PTK2B: variants seen among roughly 807,000 people sequenced by gnomAD.
The protein encoded by PTK2B is protein tyrosine kinase 2 beta, also known as protein-tyrosine kinase 2-beta.
A neutral mutation model predicts 142.9 loss-of-function variants in PTK2B; 71 were observed. The ratio of observed to expected loss-of-function variants is 0.50; its 90% CI spans 0.41 to 0.61. PTK2B has a LOEUF of 0.61. PTK2B is among the 20% of genes least tolerant of loss of function. The probability of loss-of-function intolerance (pLI) is 0.00; values close to 1 mark genes in which losing one functional copy is unlikely to be tolerated. For missense variants in PTK2B, 1,105 were observed against 1,320.4 expected, an observed-to-expected ratio of 0.84 and a Z score of 2.53; for synonymous variants, 519 against 503.4, an observed-to-expected ratio of 1.03 and a Z score of -0.42.
intron 1 of PTK2B, among the ~76,000 whole-genome samples, chr8:27,335,468 T>A (rs1161999977): frequency 6.6e-6 from 1 of 152,018 alleles, no homozygotes; most frequent in East Asian, 1.9e-4. Flanking sequence ...GGCGCAGGCC[T>A]GTAATCCCAG....
chr8:27,425,144 T>C (rs1586294190), intron 5 of PTK2B, among the ~76,000 whole-genome samples: 1 of 151,612 alleles, frequency 6.6e-6, no homozygotes, highest in Admixed American at 6.6e-5. Context: ...ATATAACATA[T>C]ATATGCTACT....
chr8:27,422,391 G>T lies in PTK2B; in HGVS notation c.551+8G>T. The stretch of plus-strand genomic sequence containing the variant: ...GGGCTGCCTGGAGCTCAGGTATGTG[G>T]CCCTGAGGCCTCTGCTGGGAGGGCG... On this transcript the variant is annotated splice_region_variant and intron_variant, in intron 5 of 30. Transcript: ENST00000346049. The T allele has an allele frequency of 6.2e-7, 1 of 1,605,904 alleles. No individual in the cohort carries two copies. The highest frequency in any genetic ancestry group is 1.1e-5 in the South Asian group (1 of 90,126).
intron 24 of PTK2B, among the ~76,000 whole-genome samples, chr8:27,447,949 G>A (rs1400582861): frequency 6.6e-6 from 1 of 152,240 alleles, no homozygotes; most frequent in African/African-American, 2.4e-5. Context: ...GTGCTGAAGG[G>A]GGGAGGCGCT....
chr8:27,357,947 C>T (rs897728431), intron 1 of PTK2B, among the ~76,000 whole-genome samples: 1 of 152,170 alleles, frequency 6.6e-6, no homozygotes, highest in African/African-American at 2.4e-5. Context: ...TCTGAAAAGT[C>T]ACTTAATATC....
chr8:27,451,933 C>T (rs1811845308), intron 27 of PTK2B: 1 of 278,518 alleles, frequency 3.6e-6, no homozygotes, highest in Non-Finnish European at 5.7e-6. Context: ...CAGCTGAGCC[C>T]TCAGGCTCTC....
At chr8:27,320,784 A>G (rs1223288780), upstream of PTK2B, among the ~76,000 whole-genome samples, 2 of 151,960 alleles carry the variant, frequency 1.3e-5, no homozygotes, top group African/African-American at 2.4e-5. Flanking sequence ...TTATGTAGGC[A>G]TGACTGATTA....
Position 27,339,244 on chromosome 8 carries a change from G to T in PTK2B, c.-38+13563G>T, listed in dbSNP as rs562449023. Among the ~76,000 whole-genome samples the T allele has an allele frequency of 2.6e-5, 4 of 152,302 alleles. No homozygotes were observed. The South Asian group carries it at 8.3e-4, about 32-fold the overall frequency. ...AGTGGGACCTTTAGGCTTGTGACAT[G>T]ATAACAAGGATTTTCTTGGGTGGGC... On this transcript the variant is annotated intron_variant, in intron 1 of 30. Coordinates refer to ENST00000346049, the MANE Select transcript of PTK2B (RefSeq NM_173176.3).
In PTK2B at chr8:27,432,380, T is replaced by G; in HGVS notation, c.987+19T>G. ...CCCCCAGGTGAGTGTCTCTGGGCAC[T>G]GGGCACCTGGCAGCTCTGCAGGGGG... On this transcript the variant is annotated intron_variant, in intron 10 of 30. Coordinates refer to ENST00000346049, the MANE Select transcript of PTK2B (RefSeq NM_173176.3). 6.2e-7 allele frequency: 1 copy of G among 1,609,016 alleles called. No individual in the cohort carries two copies. Among genetic ancestry groups the G allele is most frequent in the Non-Finnish European group, 8.5e-7 (1 of 1,176,510 alleles).
intron 1 of PTK2B, among the ~76,000 whole-genome samples, chr8:27,386,002 A>G (rs1807330175): frequency 6.6e-6 from 1 of 152,158 alleles, no homozygotes; most frequent in Non-Finnish European, 1.5e-5. Context: ...TTTCTAAAAT[A>G]TATTTAACCA....
intron 1 of PTK2B, among the ~76,000 whole-genome samples, chr8:27,386,294 C>T (rs189933108): frequency 5.9e-5 from 9 of 152,290 alleles, no homozygotes; most frequent in South Asian, 2.1e-4. Flanking sequence ...TCACACCCCT[C>T]GCCTTGGATA....
intron 24 of PTK2B, among the ~76,000 whole-genome samples, 173 bp from the exon 25 acceptor site, chr8:27,450,576 C>T (rs1278973114): frequency 6.6e-6 from 1 of 152,138 alleles, no homozygotes; most frequent in Admixed American, 6.5e-5. Context: ...GGGGCTGATA[C>T]TGGATAGCTG....
Position 27,430,136 on chromosome 8 carries a change from T to G in PTK2B, c.595T>G (p.Ser199Ala). 6.2e-7 allele frequency: 1 copy of G among 1,613,798 alleles called. No homozygotes were observed. Among genetic ancestry groups the G allele is most frequent in the Middle Eastern group, 1.6e-4 (1 of 6,062 alleles). Residue 199 changes from serine (S) to alanine (A), a missense_variant, in exon 6 of 31, where the codon TCC becomes GCC. Physicochemically the swap from Ser to Ala is moderately conservative, Grantham distance 99 (BLOSUM62 1). Transcript: ENST00000346049. ...GCCCCACAATGCACTTGACAAGAAG[T>G]CCAACTTCGAGCTCCTAGAGTAAGT... The part of the protein sequence containing the change: ...DMPHNALDKK[S>A]NFELLEKEVG...
Position 27,458,358 on chromosome 8 carries a change from C to T in PTK2B, c.2879C>T (p.Ala960Val), listed in dbSNP as rs751638166. 3.7e-6 allele frequency: 6 copies of T among 1,612,244 alleles called. No homozygotes were observed. Among genetic ancestry groups the T allele is most frequent in the Admixed American group, 1.7e-5 (1 of 59,904 alleles). The change falls in exon 31 of 31, where the codon GCA becomes GTA. Residue 960 changes from alanine (A) to valine (V), a missense_variant. Ala to Val is a moderately conservative substitution (Grantham distance 64, BLOSUM62 0). Coordinates refer to ENST00000346049, the MANE Select transcript of PTK2B (RefSeq NM_173176.3). Reference protein sequence around the residue: ...LAELINKMRLAQQNAVTSLSE... With the variant: ...LAELINKMRLVQQNAVTSLSE... ...GAGCTCATCAACAAGATGCGGCTGG[C>T]ACAGCAGAACGCCGTGACCTCCCTA...
intron 2 of PTK2B, among the ~76,000 whole-genome samples, chr8:27,412,115 G>C (rs1056861595): frequency 6.6e-6 from 1 of 152,190 alleles, no homozygotes; most frequent in African/African-American, 2.4e-5. Context: ...AAGTTCACCT[G>C]AGCTTTGGTG....
At chr8:27,397,826 CCT>C in intron 2 of PTK2B, 38 bp downstream of exon 2, 2 of 1,604,274 alleles carry the variant, frequency 1.2e-6, no homozygotes, top group African/African-American at 1.3e-5. Context: ...TCTGTCTGTC[CCT>C]CTGTCTTCTT....
intron 17 of PTK2B, 26 bp from the exon 18 acceptor site, chr8:27,437,739 T>G: frequency 6.3e-7 from 1 of 1,591,504 alleles, no homozygotes; most frequent in Non-Finnish European, 8.6e-7. Context: ...ACCAGGGGTC[T>G]TGATGGCACC....
At chr8:27,333,989 C>T (rs1289400894) in intron 1 of PTK2B, among the ~76,000 whole-genome samples, 1 of 152,104 alleles carries the variant, frequency 6.6e-6, no homozygotes, top group African/African-American at 2.4e-5. Flanking sequence ...CCTGGCTTCT[C>T]TCCTCTTCAT....
intron 1 of PTK2B, among the ~76,000 whole-genome samples, chr8:27,342,930 C>G (rs1301806734): frequency 6.6e-6 from 1 of 152,094 alleles, no homozygotes; most frequent in Non-Finnish European, 1.5e-5. Flanking sequence ...TTACATTGGC[C>G]CTTGCTGGAC....
chr8:27,349,611 G>A (rs1051100034), intron 1 of PTK2B, among the ~76,000 whole-genome samples: 3 of 152,172 alleles, frequency 2.0e-5, no homozygotes, highest in Admixed American at 2.0e-4. Context: ...TCATTCCCCT[G>A]TAAAATGGAG....
Sources: allele counts gnomAD v4.1 joint callset (sites outside exome capture counted in the v4.1 genomes callset), GRCh38; gene constraint gnomAD v4.1.1; transcripts MANE v1.5; gene names NCBI Gene and HGNC (gene_info 2026-07-23, HGNC 2026-07-21).